The following GALNT14 variants were observed in gnomAD, a reference collection of about 807,000 sequenced individuals.
The protein encoded by GALNT14 is polypeptide N-acetylgalactosaminyltransferase 14, also known as UDP-GalNAc:polypeptide N-acetylgalactosaminyltransferase 14.
In GALNT14, 60 loss-of-function variants were observed where a neutral mutation model predicts 77.5. That is an observed-to-expected ratio of 0.77 (90% CI 0.63 to 0.96). The LOEUF (loss-of-function observed/expected upper bound fraction) is 0.96, where lower values mean the gene tolerates loss of function less well. Ranked by LOEUF, GALNT14 falls within the 40% of genes least tolerant of loss-of-function variation. GALNT14 has a pLI of 0.00. For synonymous variants in GALNT14, 280 were observed against 281.7 expected (o/e 0.99, Z 0.06); for missense variants, 710 against 731.0 (o/e 0.97, Z 0.33).
chr2:31,074,244 C>T (rs905631721), intron 1 of GALNT14, among the ~76,000 whole-genome samples: 1 of 152,144 alleles, frequency 6.6e-6, no homozygotes, highest in Non-Finnish European at 1.5e-5. Context: ...ATGGGTCCCA[C>T]TCTGAGCTGC....
intron 1 of GALNT14, among the ~76,000 whole-genome samples, chr2:31,031,663 A>T (rs2148481089): frequency 6.6e-6 from 1 of 152,200 alleles, no homozygotes; most frequent in African/African-American, 2.4e-5. Context: ...ACACTGATCT[A>T]TCTAAACAAG....
At position 31,004,983 on chromosome 2, in the gene GALNT14, G is replaced by A. The variant is rs116221931; in HGVS notation, c.130-11976C>T. ...CGAGAGTGGATGGCTTGTAGGTGCC[G>A]CACAATACCTGCCTAGTTACACTGC... On this transcript the variant is annotated intron_variant, in intron 1 of 14. Transcript: ENST00000349752. Among the ~76,000 whole-genome samples, 484 of 152,290 alleles carry A rather than the reference G, an allele frequency of 3.2e-3. 1 individual carries two copies. The highest frequency in any genetic ancestry group is 0.01 in the African/African-American group (420 of 41,548).
the GALNT14 span, among the ~76,000 whole-genome samples, chr2:30,894,691 C>T: frequency 6.6e-6 from 1 of 152,182 alleles, no homozygotes; most frequent in Non-Finnish European, 1.5e-5. Context: ...CTGCCTGTGG[C>T]CAGCTCTGGT....
intron 9 of GALNT14, among the ~76,000 whole-genome samples, chr2:30,938,123 G>A (rs1666162666): frequency 6.7e-6 from 1 of 150,234 alleles, no homozygotes; most frequent in Non-Finnish European, 1.5e-5. Flanking sequence ...TGGGACAGCA[G>A]GTGGTGGTAC....
chr2:30,913,950 C>T (rs1033334573), intron 13 of GALNT14, among the ~76,000 whole-genome samples: 3 of 152,122 alleles, frequency 2.0e-5, no homozygotes, highest in South Asian at 2.1e-4. Flanking sequence ...TCAAGAAGTT[C>T]TTCTCTGGCC....
intron 4 of GALNT14, among the ~76,000 whole-genome samples, chr2:30,956,742 G>A (rs1190453164): frequency 6.6e-6 from 1 of 152,128 alleles, no homozygotes; most frequent in Non-Finnish European, 1.5e-5. Context: ...CCTGACCTCA[G>A]ATGATCCTCC....
chr2:30,907,462 G>A (rs1164272031), downstream of GALNT14, among the ~76,000 whole-genome samples: 1 of 152,222 alleles, frequency 6.6e-6, no homozygotes, highest in Non-Finnish European at 1.5e-5. Flanking sequence ...AAATCTAGAA[G>A]AAATGGATAA....
At chr2:30,911,840 G>A (rs143059824) in intron 14 of GALNT14, among the ~76,000 whole-genome samples, 2 of 152,348 alleles carry the variant, frequency 1.3e-5, no homozygotes, top group East Asian at 3.9e-4. Context: ...ATGCTAGGAA[G>A]TTTGGGGGAC....
chr2:31,137,732 C>A (rs1336259135), intron 1 of GALNT14, among the ~76,000 whole-genome samples: 2 of 152,188 alleles, frequency 1.3e-5, no homozygotes, highest in Non-Finnish European at 2.9e-5. Context: ...GAGCGCGCGC[C>A]CACCACCCAC....
At chr2:30,892,013 G>A in the GALNT14 span, among the ~76,000 whole-genome samples, 4 of 152,148 alleles carry the variant, frequency 2.6e-5, no homozygotes, top group Admixed American at 6.5e-5. Flanking sequence ...GAACACCTAC[G>A]AATATTGACT....
chr2:30,998,152 T>G (rs1004880032), intron 1 of GALNT14, among the ~76,000 whole-genome samples: 2 of 152,230 alleles, frequency 1.3e-5, no homozygotes, highest in African/African-American at 4.8e-5. Flanking sequence ...TCGTTAAGTC[T>G]GCCAAACCCC....
At chr2:30,918,709 AGGGTGGCATCGGGCAGGGAG>A (rs1664847348) in intron 13 of GALNT14, among the ~76,000 whole-genome samples, 1 of 77,590 alleles carries the variant, frequency 1.3e-5, no homozygotes, top group Non-Finnish European at 2.5e-5. Context: ...TCGGGCAGGG[AGGGTGGCATCGGGCAGGGAG>A]GGGGGTATCA....
intron 1 of GALNT14, among the ~76,000 whole-genome samples, chr2:31,075,738 T>C (rs1675736430): frequency 1.3e-5 from 2 of 152,338 alleles, no homozygotes; most frequent in African/African-American, 4.8e-5. Context: ...GAATCACACA[T>C]ATTCCATCTC....
chr2:30,934,553 C>T (rs1439587542), intron 9 of GALNT14, among the ~76,000 whole-genome samples: 1 of 152,172 alleles, frequency 6.6e-6, no homozygotes, highest in Non-Finnish European at 1.5e-5. Context: ...CTACCCCATG[C>T]CCCACCACCG....
At chr2:30,890,912 A>G in the GALNT14 span, among the ~76,000 whole-genome samples, 16 of 152,206 alleles carry the variant, frequency 1.1e-4, no homozygotes, top group Admixed American at 1.3e-4. Flanking sequence ...GGGTCAGGAC[A>G]TGAGGCCTGG....
chr2:30,977,022 C>T (rs1219074500), intron 2 of GALNT14, among the ~76,000 whole-genome samples: 1 of 151,850 alleles, frequency 6.6e-6, no homozygotes, highest in Non-Finnish European at 1.5e-5. Context: ...ACGAGCTCCA[C>T]GAGAATGCCC....
At chr2:31,045,363 C>A (rs976659472) in intron 1 of GALNT14, among the ~76,000 whole-genome samples, 3 of 152,166 alleles carry the variant, frequency 2.0e-5, no homozygotes, top group Non-Finnish European at 4.4e-5. Context: ...ACTCACAGCC[C>A]ATTAATCAAG....
At chr2:30,981,632 G>C (rs555947620) in intron 2 of GALNT14, among the ~76,000 whole-genome samples, 1 of 151,956 alleles carries the variant, frequency 6.6e-6, no homozygotes, top group East Asian at 1.9e-4. Context: ...GGAAGTCTGC[G>C]AGGGGAAAGA....
intron 13 of GALNT14, among the ~76,000 whole-genome samples, chr2:30,917,187 A>G (rs1250148059): frequency 6.6e-6 from 1 of 151,610 alleles, no homozygotes; most frequent in East Asian, 1.9e-4. Flanking sequence ...CTGGTAGGCA[A>G]GAAACAATCA....
Sources: gnomAD v4.1 joint callset for allele counts (sites outside exome capture counted in the v4.1 genomes callset) on GRCh38, gnomAD v4.1.1 for gene constraint, MANE v1.5 for transcripts, NCBI Gene and HGNC (gene_info 2026-07-23, HGNC 2026-07-21) for gene names.